Variants in CMIP observed in about 807,000 individuals in gnomAD.
The protein encoded by CMIP is c-Maf inducing protein, also known as C-Maf-inducing protein.
Under a neutral mutation model 97.3 loss-of-function variants are expected in CMIP, and 13 were observed. The ratio of observed to expected loss-of-function variants is 0.13; its 90% CI spans 0.09 to 0.21. The LOEUF is 0.21. Among genes scored for constraint, CMIP ranks in the 10% least tolerant of loss-of-function variants. The probability of loss-of-function intolerance (pLI) is 1.00; values close to 1 mark genes in which losing one functional copy is unlikely to be tolerated. For missense variants in CMIP, 847 were observed against 1,024.9 expected (o/e 0.83, Z 2.37); for synonymous variants, 538 against 436.3 (o/e 1.23, Z -2.91).
chr16:81,606,127 T>C (rs2091739971), intron 1 of CMIP, among the ~76,000 whole-genome samples: 1 of 152,348 alleles, frequency 6.6e-6, no homozygotes, highest in African/African-American at 2.4e-5. Flanking sequence ...TGAATTGCCT[T>C]TGCCTCTTTC....
At chr16:81,601,667 A>G (rs972034117) in intron 1 of CMIP, among the ~76,000 whole-genome samples, 4 of 152,086 alleles carry the variant, frequency 2.6e-5, no homozygotes, top group Admixed American at 2.0e-4. Context: ...AACTAGCTCC[A>G]TATCTGTCCC....
intron 1 of CMIP, among the ~76,000 whole-genome samples, chr16:81,556,943 A>G (rs546821574): frequency 1.7e-4 from 26 of 152,190 alleles, no homozygotes; most frequent in Non-Finnish European, 3.4e-4. Flanking sequence ...CGATGACTCA[A>G]TGTCATGTGG....
chr16:81,561,668 G>A (rs1484518092), intron 1 of CMIP, among the ~76,000 whole-genome samples: 1 of 152,200 alleles, frequency 6.6e-6, no homozygotes, highest in Non-Finnish European at 1.5e-5. Context: ...TTTGAGCAGA[G>A]GGAGGATAAA....
chr16:81,596,918 G>T (rs2091566812), intron 1 of CMIP, among the ~76,000 whole-genome samples: 1 of 152,242 alleles, frequency 6.6e-6, no homozygotes. Context: ...TTGATGACAT[G>T]CTTCTGTCCA....
rs983593978 is a variant in CMIP, at chr16:81,533,132, C to A, written c.301-74435C>A. 5.3e-5 allele frequency among the ~76,000 whole-genome samples: 8 copies of A among 152,178 alleles called. No homozygotes were observed. The East Asian group carries it at 1.3e-3, about 26-fold the overall frequency. ...TTTTTATTTCTCGTTCCCTGACTTACGTTTTTTTCTCCTGAGCATATGTTA... is the reference window on the plus strand; with the variant it reads ...TTTTTATTTCTCGTTCCCTGACTTAAGTTTTTTTCTCCTGAGCATATGTTA... On this transcript the variant is annotated intron_variant, in intron 1 of 20. Transcript: ENST00000537098.
intron 17 of CMIP, among the ~76,000 whole-genome samples, chr16:81,703,492 C>T (rs1194949521): frequency 6.6e-6 from 1 of 151,924 alleles, no homozygotes; most frequent in East Asian, 1.9e-4. Flanking sequence ...CAGAGACACA[C>T]CAACACACAC....
intron 1 of CMIP, among the ~76,000 whole-genome samples, chr16:81,463,002 C>T (rs1211905311): frequency 2.0e-5 from 3 of 152,176 alleles, no homozygotes; most frequent in Non-Finnish European, 2.9e-5. Context: ...GGCATTTGAA[C>T]GCCTGGAATT....
intron 1 of CMIP, among the ~76,000 whole-genome samples, chr16:81,599,972 C>T (rs1305455204): frequency 1.3e-5 from 2 of 152,076 alleles, no homozygotes; most frequent in East Asian, 3.9e-4. Flanking sequence ...GGTGTCCTTC[C>T]TTCTGTCATC....
intron 1 of CMIP, among the ~76,000 whole-genome samples, chr16:81,540,744 G>C (rs541310249): frequency 2.7e-5 from 4 of 148,652 alleles, no homozygotes; most frequent in South Asian, 2.1e-4. Flanking sequence ...GCAGTGGCGC[G>C]ATCTCGGCTT....
At chr16:81,562,319 G>A (rs956149672) in intron 1 of CMIP, among the ~76,000 whole-genome samples, 8 of 152,224 alleles carry the variant, frequency 5.3e-5, no homozygotes, top group Non-Finnish European at 8.8e-5. Context: ...CATGGTCCAA[G>A]GAGCCAGGAT....
chr16:81,693,230 C>A, intron 12 of CMIP, 46 bp downstream of exon 12: 1 of 1,581,542 alleles, frequency 6.3e-7, no homozygotes. Context: ...CACGCACGGC[C>A]TCTGTCCTGA....
chr16:81,492,051 T>C (rs779156620), intron 1 of CMIP, among the ~76,000 whole-genome samples: 2 of 152,172 alleles, frequency 1.3e-5, no homozygotes, highest in South Asian at 4.1e-4. Context: ...TGTGCCACAG[T>C]GAATATCTGC....
Position 81,529,647 on chromosome 16 carries a change from C to T in CMIP, c.301-77920C>T, listed in dbSNP as rs370517818. ...CTGGATTATCCAGGGGGGCCAGTGT[C>T]ATCACAGGGGTCCCTACCAGGGACA... On this transcript the variant is annotated intron_variant, in intron 1 of 20. Transcript: ENST00000537098. Among the ~76,000 whole-genome samples, 49 of 152,288 alleles carry T rather than the reference C, an allele frequency of 3.2e-4. 2 individuals carry two copies. In the East Asian group the frequency reaches 6.8e-3, roughly 21 times the overall value.
intron 1 of CMIP, among the ~76,000 whole-genome samples, chr16:81,590,161 T>G (rs1435960309): frequency 6.6e-6 from 1 of 152,334 alleles, no homozygotes; most frequent in East Asian, 1.9e-4. Context: ...CGGGGAACCC[T>G]GGGAATGACC....
intron 1 of CMIP, among the ~76,000 whole-genome samples, chr16:81,565,736 C>T (rs1380810618): frequency 6.6e-6 from 1 of 152,176 alleles, no homozygotes; most frequent in African/African-American, 2.4e-5. Flanking sequence ...CACCTGCCCC[C>T]TACCCAGGAG....
At chr16:81,572,314 C>G (rs1424044801) in intron 1 of CMIP, among the ~76,000 whole-genome samples, 1 of 152,222 alleles carries the variant, frequency 6.6e-6, no homozygotes, top group Non-Finnish European at 1.5e-5. Flanking sequence ...GCGATTGGCC[C>G]TTGCCCTGTT....
intron 1 of CMIP, among the ~76,000 whole-genome samples, chr16:81,459,002 ATCACCG>A (rs200983960): frequency 0.02 from 2,958 of 151,628 alleles, 91 homozygotes; most frequent in African/African-American, 0.067. Context: ...CACTGTCACC[ATCACCG>A]TCACCGTCAC....
intron 3 of CMIP, among the ~76,000 whole-genome samples, chr16:81,626,989 A>G (rs1169166115): frequency 1.6e-5 from 2 of 126,960 alleles, no homozygotes; most frequent in Non-Finnish European, 3.3e-5. Context: ...CTATTTTATG[A>G]ATGTGTGTGT....
Position 81,445,406 on chromosome 16 carries a change from G to A in CMIP, c.165G>A (p.Leu55=). 6.2e-7 allele frequency: 1 copy of A among 1,602,000 alleles called. No individual in the cohort carries two copies. The highest frequency in any genetic ancestry group is 1.1e-5 in the South Asian group (1 of 88,950). ...LLCNGMRYKL[L]QEGDIQVCVI... ...GCAACGGGATGAGGTACAAACTGCT[G>A]CAGGAGGGCGACATTCAGGTCTGTG... is the stretch of plus-strand genomic sequence containing the variant. Residue 55 remains leucine, a synonymous_variant, in exon 1 of 21, where the codon CTG becomes CTA. Transcript: ENST00000537098.
Sources: gnomAD v4.1 joint callset for allele counts (sites outside exome capture counted in the v4.1 genomes callset) on GRCh38, gnomAD v4.1.1 for gene constraint, MANE v1.5 for transcripts, NCBI Gene and HGNC (gene_info 2026-07-23, HGNC 2026-07-21) for gene names.